The following LMBR1 variants were observed in gnomAD, a reference collection of about 807,000 sequenced individuals.
LMBR1 encodes limb region 1 protein homolog.
A neutral mutation model predicts 73.9 loss-of-function variants in LMBR1; 52 were observed. The ratio of observed to expected loss-of-function variants is 0.70; its 90% CI spans 0.56 to 0.89. The LOEUF (loss-of-function observed/expected upper bound fraction) is 0.89. LMBR1 is among the 40% of genes least tolerant of loss of function. LMBR1 has a pLI of 0.00. For synonymous variants in LMBR1, 215 were observed against 209.4 expected, an observed-to-expected ratio of 1.03 and a Z score of -0.23; for missense variants, 539 against 579.8, an observed-to-expected ratio of 0.93 and a Z score of 0.72.
chr7:156,788,795 C>A (rs1828637818), intron 5 of LMBR1, among the ~76,000 whole-genome samples: 1 of 152,178 alleles, frequency 6.6e-6, no homozygotes, highest in Non-Finnish European at 1.5e-5. Context: ...CGCCTGTAAT[C>A]CCAGCACTTT....
At chr7:156,718,305 C>A (rs1813678552) in intron 15 of LMBR1, among the ~76,000 whole-genome samples, 1 of 150,930 alleles carries the variant, frequency 6.6e-6, no homozygotes, top group African/African-American at 2.4e-5. Flanking sequence ...GAGGCTGAGG[C>A]AGGAGAATCA....
chr7:156,737,878 T>G (rs1190661933), intron 9 of LMBR1, among the ~76,000 whole-genome samples: 1 of 152,168 alleles, frequency 6.6e-6, no homozygotes. Context: ...GAGCCTTAGT[T>G]GTCTGCTCAT....
chr7:156,859,313 T>C (rs1458451999), intron 1 of LMBR1, among the ~76,000 whole-genome samples: 2 of 151,050 alleles, frequency 1.3e-5, no homozygotes, highest in East Asian at 3.9e-4. Context: ...ATATCTCCTC[T>C]CAACACTCCT....
intron 5 of LMBR1, among the ~76,000 whole-genome samples, chr7:156,764,352 T>G (rs1389911928): frequency 6.6e-6 from 1 of 152,202 alleles, no homozygotes; most frequent in African/African-American, 2.4e-5. Flanking sequence ...TTTCTTCACA[T>G]TATATAGAAT....
chr7:156,696,955 G>A (rs1417974046), intron 15 of LMBR1, among the ~76,000 whole-genome samples: 1 of 152,166 alleles, frequency 6.6e-6, no homozygotes, highest in Non-Finnish European at 1.5e-5. Context: ...TCAAAAGCAA[G>A]TTAGTTACTT....
chr7:156,879,224 A>G (rs574238407), intron 1 of LMBR1, among the ~76,000 whole-genome samples: 3 of 152,368 alleles, frequency 2.0e-5, no homozygotes, highest in Admixed American at 2.0e-4. Context: ...GAGCTTTTGC[A>G]TGGCAAAAGG....
intron 14 of LMBR1, 44 bp from the exon 15 acceptor site, chr7:156,724,222 G>T: frequency 7.0e-7 from 1 of 1,418,918 alleles, no homozygotes; most frequent in Non-Finnish European, 9.9e-7. Context: ...TTAAACAGCA[G>T]GATGACAATC....
intron 1 of LMBR1, among the ~76,000 whole-genome samples, chr7:156,848,708 G>A (rs1795838291): frequency 6.6e-6 from 1 of 152,064 alleles, no homozygotes; most frequent in Non-Finnish European, 1.5e-5. Context: ...AAGGTGGGTG[G>A]ATCACTTGAA....
At position 156,763,009 on chromosome 7, in the gene LMBR1, T is replaced by A. The variant is rs1823398726; in HGVS notation, c.619+99A>T. The A allele has an allele frequency of 1.4e-5, 9 of 650,822 alleles. 1 individual carries two copies. In the Middle Eastern group the frequency reaches 1.4e-3, roughly 98 times the overall value. The allele number at this position is 650,822 out of a possible 1,614,324, so 40.3% of individuals were successfully genotyped here. On this transcript the variant is annotated intron_variant, in intron 7 of 16. Coordinates refer to ENST00000353442, the MANE Select transcript of LMBR1 (RefSeq NM_022458.4). Reference sequence around the variant, plus strand: ...ATAGTTAAGGCGAACTCAAAAAAAATCCAAATAGTTAAGAAATCTCATCAG... The same window carrying A: ...ATAGTTAAGGCGAACTCAAAAAAAAACCAAATAGTTAAGAAATCTCATCAG...
chr7:156,747,043 T>G (rs1210952669), intron 9 of LMBR1, among the ~76,000 whole-genome samples: 1 of 152,166 alleles, frequency 6.6e-6, no homozygotes, highest in Non-Finnish European at 1.5e-5. Flanking sequence ...TTTAATGGTA[T>G]TATTCTGTTT....
In LMBR1 at chr7:156,724,102, T is replaced by C. The variant is rs1815196367; in HGVS notation, c.1225+10A>G. The C allele has an allele frequency of 6.2e-7, 1 of 1,603,956 alleles. No homozygotes were observed. On this transcript the variant is annotated intron_variant, in intron 15 of 16. Coordinates refer to ENST00000353442, the MANE Select transcript of LMBR1 (RefSeq NM_022458.4). ...GGATCTTTAAGTGAAAATTTCTCACTGAAACTTACCCAGTGTTCTCGACAT... is the reference window on the plus strand; with the variant it reads ...GGATCTTTAAGTGAAAATTTCTCACCGAAACTTACCCAGTGTTCTCGACAT...
intron 4 of LMBR1, chr7:156,822,543 A>G (rs1834954601): frequency 6.6e-6 from 1 of 152,212 alleles, no homozygotes; most frequent in African/African-American, 2.4e-5. Flanking sequence ...TATTCAATTA[A>G]TGGTATTGGG....
intron 1 of LMBR1, among the ~76,000 whole-genome samples, chr7:156,877,319 CCAGA>C (rs1382421478): frequency 6.6e-6 from 1 of 151,384 alleles, no homozygotes; most frequent in Non-Finnish European, 1.5e-5. Flanking sequence ...CTGAATTCTA[CCAGA>C]CAAAGAAGAA....
intron 4 of LMBR1, among the ~76,000 whole-genome samples, chr7:156,816,715 A>G (rs898179070): frequency 2.0e-5 from 3 of 152,232 alleles, no homozygotes; most frequent in Non-Finnish European, 4.4e-5. Flanking sequence ...ATACATAGAC[A>G]TAATAATGTA....
chr7:156,676,801 T>C (rs903484091), downstream of LMBR1: 12 of 639,416 alleles, frequency 1.9e-5, no homozygotes, highest in Admixed American at 1.7e-4. Context: ...AATCTTAGTA[T>C]ATTTTAAAAG....
At chr7:156,810,274 T>C (rs1318070701) in intron 4 of LMBR1, among the ~76,000 whole-genome samples, 3 of 152,080 alleles carry the variant, frequency 2.0e-5, no homozygotes, top group Non-Finnish European at 2.9e-5. Context: ...CAACCAGCTC[T>C]TATGAGAATA....
intron 10 of LMBR1, chr7:156,733,878 AAAGAT>A (rs1817336419): frequency 4.8e-6 from 1 of 206,486 alleles, no homozygotes; most frequent in Non-Finnish European, 9.7e-6. Context: ...AGACACATTA[AAAGAT>A]AAGTATGACA....
At chr7:156,857,084 G>GA (rs1194228116) in intron 1 of LMBR1, among the ~76,000 whole-genome samples, 1 of 151,098 alleles carries the variant, frequency 6.6e-6, no homozygotes, top group African/African-American at 2.4e-5. Context: ...ACCAAAGACA[G>GA]AAAAAAAGAC....
At chr7:156,707,944 A>AT (rs1811301824) in intron 15 of LMBR1, among the ~76,000 whole-genome samples, 1 of 151,948 alleles carries the variant, frequency 6.6e-6, no homozygotes, top group Non-Finnish European at 1.5e-5. Flanking sequence ...AACCTAATGG[A>AT]TCCCCCCACA....
Sources: allele counts gnomAD v4.1 joint callset (sites outside exome capture counted in the v4.1 genomes callset), GRCh38; gene constraint gnomAD v4.1.1; transcripts MANE v1.5; gene names NCBI Gene and HGNC (gene_info 2026-07-23, HGNC 2026-07-21).